MPPED1: variants seen among roughly 807,000 people sequenced by gnomAD.
MPPED1 encodes the protein metallophosphoesterase domain-containing protein 1.
MPPED1 carries 16 observed loss-of-function variants against 36.2 expected under a neutral mutation model. That is an observed-to-expected ratio of 0.44 (90% CI 0.30 to 0.67). The LOEUF (loss-of-function observed/expected upper bound fraction) is 0.67. Ranked by LOEUF, MPPED1 falls within the 30% of genes least tolerant of loss-of-function variation. The pLI, the probability that MPPED1 is intolerant of heterozygous loss-of-function variation, is 0.10. For missense variants in MPPED1, 307 were observed against 453.4 expected (o/e 0.68, Z 2.93); for synonymous variants, 199 against 191.3 (o/e 1.04, Z -0.33).
Position 43,415,225 on chromosome 22 carries a change from CAA to C in MPPED1, c.-79+3088_-79+3089del, listed in dbSNP as rs34357060. Among the ~76,000 whole-genome samples the C allele has an allele frequency of 3.9e-3, 192 of 49,418 alleles. 1 individual carries two copies. The highest frequency in any genetic ancestry group is 0.014 in the African/African-American group (169 of 12,192). The allele number at this position is 49,418 out of a possible 152,430, so 32.4% of individuals were successfully genotyped here. A position where few individuals can be genotyped will look rare whatever the true frequency, so the allele number is the denominator to read the frequency against. On this transcript the variant is annotated intron_variant, in intron 1 of 6. Coordinates refer to ENST00000443721, the MANE Select transcript of MPPED1 (RefSeq NM_001044370.2). ...GAAGAGGTGACTAAAATGTCAAAAG[CAA>C]AAAAAAAAAAAAAAAAAAAAGGAAA...
intron 4 of MPPED1, among the ~76,000 whole-genome samples, chr22:43,492,017 G>A (rs1932120559): frequency 6.6e-6 from 1 of 151,802 alleles, no homozygotes; most frequent in Non-Finnish European, 1.5e-5. Context: ...TGATGATGTT[G>A]GTGATGATGG....
intron 3 of MPPED1, among the ~76,000 whole-genome samples, chr22:43,442,230 T>G (rs1013863529): frequency 6.6e-6 from 1 of 152,058 alleles, no homozygotes; most frequent in Non-Finnish European, 1.5e-5. Context: ...TTCATGGCTG[T>G]CTGTCCCCTG....
intron 3 of MPPED1, among the ~76,000 whole-genome samples, chr22:43,450,484 C>T (rs1052788610): frequency 2.0e-5 from 3 of 152,252 alleles, no homozygotes; most frequent in African/African-American, 7.2e-5. Flanking sequence ...TGGCTCTGCT[C>T]TTCCCAGCCA....
At chr22:43,469,464 G>A (rs895033610) in intron 3 of MPPED1, among the ~76,000 whole-genome samples, 5 of 2,676 alleles carry the variant, frequency 1.9e-3, no homozygotes, top group Non-Finnish European at 2.8e-3. Context: ...ATCTATGTTC[G>A]GGTTGGTAAG....
At chr22:43,453,686 T>C (rs1481784083) in intron 3 of MPPED1, among the ~76,000 whole-genome samples, 1 of 152,196 alleles carries the variant, frequency 6.6e-6, no homozygotes, top group African/African-American at 2.4e-5. Flanking sequence ...TTTTAAAAAC[T>C]GCATTGCTAG....
Position 43,505,484 on chromosome 22 carries a change from T to C in MPPED1, c.863-14T>C, listed in dbSNP as rs761902368. The C allele has an allele frequency of 2.5e-6, 4 of 1,596,248 alleles. No homozygotes were observed. The South Asian group carries it at 4.6e-5, about 18-fold the overall frequency. ...TCTGGCTGCTGGCCTGATGGGCATG[T>C]GCTTACTTTCCAGGGTATGGTGTCA... On this transcript the variant is annotated splice_polypyrimidine_tract_variant and intron_variant, in intron 6 of 6. Transcript: ENST00000443721.
chr22:43,455,520 C>G (rs940666359), intron 3 of MPPED1, among the ~76,000 whole-genome samples: 1 of 152,174 alleles, frequency 6.6e-6, no homozygotes, highest in Non-Finnish European at 1.5e-5. Context: ...CCATCCCATT[C>G]TGAGGTACTA....
intron 3 of MPPED1, among the ~76,000 whole-genome samples, chr22:43,448,961 G>C (rs1930461694): frequency 1.3e-5 from 2 of 151,932 alleles, no homozygotes; most frequent in South Asian, 4.1e-4. Context: ...TTGTGTATCT[G>C]GAAAATCCCC....
At chr22:43,444,748 G>A (rs1773774916) in intron 3 of MPPED1, among the ~76,000 whole-genome samples, 1 of 152,032 alleles carries the variant, frequency 6.6e-6, no homozygotes, top group South Asian at 2.1e-4. Context: ...TCTAAGCAGG[G>A]TAGAGAGATT....
intron 3 of MPPED1, among the ~76,000 whole-genome samples, chr22:43,449,604 C>G (rs548773613): frequency 2.0e-5 from 3 of 152,240 alleles, no homozygotes; most frequent in Admixed American, 1.3e-4. Flanking sequence ...ATCCCCGCAC[C>G]CTGGAACTCT....
chr22:43,450,671 C>G (rs962598117), intron 3 of MPPED1, among the ~76,000 whole-genome samples: 3 of 152,202 alleles, frequency 2.0e-5, no homozygotes, highest in African/African-American at 7.2e-5. Flanking sequence ...TTTGTGAACA[C>G]ATCTAAATCT....
At chr22:43,459,210 G>A (rs1930859649) in intron 3 of MPPED1, among the ~76,000 whole-genome samples, 1 of 152,094 alleles carries the variant, frequency 6.6e-6, no homozygotes, top group African/African-American at 2.4e-5. Flanking sequence ...AAGTAGCTGG[G>A]ACTATAGGTG....
chr22:43,450,985 C>T (rs1415757191), intron 3 of MPPED1, among the ~76,000 whole-genome samples: 3 of 150,708 alleles, frequency 2.0e-5, no homozygotes, highest in Non-Finnish European at 4.4e-5. Context: ...CTTGGCCTAC[C>T]AAAGTGCTGG....
At chr22:43,453,947 C>T (rs1250718776) in intron 3 of MPPED1, among the ~76,000 whole-genome samples, 2 of 152,082 alleles carry the variant, frequency 1.3e-5, no homozygotes, top group Non-Finnish European at 2.9e-5. Flanking sequence ...CTTCTTCCTC[C>T]CTCCTCTCCC....
Position 43,474,920 on chromosome 22 carries a change from G to C in MPPED1, c.591G>C (p.Ser197=). 1 of 1,613,940 alleles carries C rather than the reference G, an allele frequency of 6.2e-7. No homozygotes were observed. The highest frequency in any genetic ancestry group is 2.2e-5 in the East Asian group (1 of 44,888). The stretch of plus-strand genomic sequence containing the variant: ...CCAACTGCATCTACCTTCAGGACTC[G>C]GAGGTCACCGTGCGGGGCTTCCGGA... The part of the protein sequence containing the change: ...LLTNCIYLQD[S]EVTVRGFRIY... Residue 197 remains serine, a synonymous_variant, in exon 4 of 7, where the codon TCG becomes TCC. Coordinates refer to ENST00000443721, the MANE Select transcript of MPPED1 (RefSeq NM_001044370.2). This position sits in a 1 kb window ranked among gnomAD's most constrained non-coding sequence, Gnocchi z 5.2.
chr22:43,442,487 A>G (rs933217), intron 3 of MPPED1, among the ~76,000 whole-genome samples: 91,861 of 152,018 alleles, frequency 0.6, 29,143 homozygotes, highest in African/African-American at 0.76. Flanking sequence ...ACCTAAAGCT[A>G]GTACCTGGGC....
chr22:43,449,821 A>G (rs1231803692), intron 3 of MPPED1, among the ~76,000 whole-genome samples: 1 of 152,196 alleles, frequency 6.6e-6, no homozygotes, highest in African/African-American at 2.4e-5. Flanking sequence ...GATGTTTCTC[A>G]CAGGGCCTTG....
At chr22:43,432,866 GGA>G (rs1178769916) in intron 2 of MPPED1, among the ~76,000 whole-genome samples, 1 of 100,854 alleles carries the variant, frequency 9.9e-6, no homozygotes, top group East Asian at 5.1e-4. Flanking sequence ...GAGAAAGGGA[GGA>G]GAGAGAGAGG....
chr22:43,438,352 C>T (rs945093636), intron 3 of MPPED1, among the ~76,000 whole-genome samples: 4 of 152,048 alleles, frequency 2.6e-5, no homozygotes, highest in East Asian at 1.9e-4. Flanking sequence ...GCAGAGGACG[C>T]GGAGGCTGCA....
Sources: gnomAD v4.1 joint callset for allele counts (sites outside exome capture counted in the v4.1 genomes callset) on GRCh38, gnomAD v4.1.1 for gene constraint, Gnocchi (gnomAD v3.1) non-coding constraint, MANE v1.5 for transcripts, NCBI Gene and HGNC (gene_info 2026-07-23, HGNC 2026-07-21) for gene names.